The following PCDHA3 variants were observed in gnomAD, a reference collection of about 807,000 sequenced individuals.
The protein encoded by PCDHA3 is protocadherin alpha-3.
PCDHA3 carries 41 observed loss-of-function variants against 62.2 expected under a neutral mutation model. That is an observed-to-expected ratio of 0.66 (90% CI 0.51 to 0.86). The LOEUF is 0.86. Ranked by LOEUF, PCDHA3 falls within the 40% of genes least tolerant of loss-of-function variation. The probability of loss-of-function intolerance (pLI) is 0.00; values close to 1 mark genes in which losing one functional copy is unlikely to be tolerated. For missense variants in PCDHA3, 1,304 were observed against 1,241.2 expected (o/e 1.05, Z -0.76); for synonymous variants, 640 against 555.4 (o/e 1.15, Z -2.14).
chr5:140,965,305 A>G (rs2095888625), intron 1 of PCDHA3, among the ~76,000 whole-genome samples: 2 of 152,136 alleles, frequency 1.3e-5, no homozygotes, highest in African/African-American at 4.8e-5. Context: ...TGATCCTTCT[A>G]CCTTCTCTTT....
rs782115337 is a variant in PCDHA3 at position 140,803,196 on chromosome 5, G to A, written c.1999G>A (p.Val667Met). The A allele has an allele frequency of 1.2e-6, 2 of 1,613,924 alleles. No individual in the cohort carries two copies. Among genetic ancestry groups the A allele is most frequent in the Middle Eastern group, 3.3e-4 (2 of 6,062 alleles). Residue 667 changes from valine (V) to methionine (M), a missense_variant, in exon 1 of 4, where the codon GTG (valine) becomes ATG (methionine). Transcript: ENST00000522353. Reference protein sequence around the residue: ...PSLTATATVLVSLVESGQAPK... With the variant: ...PSLTATATVLMSLVESGQAPK... The stretch of plus-strand genomic sequence containing the variant: ...ATTGACCGCCACGGCCACTGTGCTG[G>A]TGTCGCTGGTGGAGAGTGGCCAGGC...
rs2043502208 is a variant in PCDHA3 at position 140,855,508 on chromosome 5, C to T, written c.2394+51917C>T. ...AGTGTCTAAATAAACCTTATTAAATCTCAAAATAATGAGAAAGAGAAGTAA... is the reference window on the plus strand; with the variant it reads ...AGTGTCTAAATAAACCTTATTAAATTTCAAAATAATGAGAAAGAGAAGTAA... On this transcript the variant is annotated intron_variant, in intron 1 of 3. Transcript: ENST00000522353. 1.3e-5 allele frequency among the ~76,000 whole-genome samples: 2 copies of T among 149,732 alleles called. 1 individual carries two copies. The highest frequency in any genetic ancestry group is 3.0e-5 in the Non-Finnish European group (2 of 67,030).
chr5:140,888,047 G>C (rs1246901863), intron 1 of PCDHA3, among the ~76,000 whole-genome samples: 12 of 152,092 alleles, frequency 7.9e-5, no homozygotes, highest in African/African-American at 2.9e-4. Flanking sequence ...ATGTATAATA[G>C]ATGTTTTAAC....
At chr5:140,991,614 A>G (rs1554252334) in intron 3 of PCDHA3, among the ~76,000 whole-genome samples, 2 of 152,194 alleles carry the variant, frequency 1.3e-5, no homozygotes, top group Non-Finnish European at 2.9e-5. Flanking sequence ...AGCACCTTTA[A>G]TGCCATATTT....
At chr5:140,965,237 G>A (rs2095882583) in intron 1 of PCDHA3, among the ~76,000 whole-genome samples, 1 of 152,204 alleles carries the variant, frequency 6.6e-6, no homozygotes, top group African/African-American at 2.4e-5. Context: ...AACCTGGGAA[G>A]AGTGAATATT....
At chr5:140,830,730 G>A (rs1403638856) in intron 1 of PCDHA3, 1 of 211,824 alleles carries the variant, frequency 4.7e-6, no homozygotes, top group African/African-American at 2.3e-5. Context: ...AAATATTCTT[G>A]GATATGTCGT....
chr5:140,853,755 C>A, intron 1 of PCDHA3: 3 of 988,492 alleles, frequency 3.0e-6, no homozygotes, highest in Non-Finnish European at 3.7e-6. Flanking sequence ...CAAGGCTCCA[C>A]CTCAGAAATT....
At chr5:140,869,433 G>A in intron 1 of PCDHA3, 2 of 1,614,226 alleles carry the variant, frequency 1.2e-6, no homozygotes, top group Non-Finnish European at 1.7e-6. Context: ...AGGTGATCGT[G>A]GACAGGCCGC....
At chr5:140,932,707 A>G (rs147056775) in intron 1 of PCDHA3, among the ~76,000 whole-genome samples, 1 of 152,086 alleles carries the variant, frequency 6.6e-6, no homozygotes, top group African/African-American at 2.4e-5. Flanking sequence ...CATATAGACA[A>G]CACAATAATA....
chr5:140,924,105 C>T lies in PCDHA3; in HGVS notation c.2395-54844C>T, dbSNP rs140580566. ...AGGCAGAAAGAATAAATTTTCATTC[C>T]AAAGCAGTTAGCTTGCTTAGCAGCA... is the stretch of plus-strand genomic sequence containing the variant. On this transcript the variant is annotated intron_variant, in intron 1 of 3. Coordinates refer to ENST00000522353, the MANE Select transcript of PCDHA3 (RefSeq NM_018906.3). Among the ~76,000 whole-genome samples the T allele has an allele frequency of 8.5e-5, 13 of 152,262 alleles. No homozygotes were observed. The East Asian group carries it at 2.5e-3, about 29-fold the overall frequency.
chr5:140,837,869 G>T (rs1367921938), intron 1 of PCDHA3, among the ~76,000 whole-genome samples: 1 of 151,606 alleles, frequency 6.6e-6, no homozygotes, highest in African/African-American at 2.4e-5. Flanking sequence ...TGTAGAGACA[G>T]GGTGGAGTCT....
At chr5:140,909,428 G>A (rs2074488610) in intron 1 of PCDHA3, among the ~76,000 whole-genome samples, 1 of 152,150 alleles carries the variant, frequency 6.6e-6, no homozygotes, top group African/African-American at 2.4e-5. Context: ...TTAAACTTAT[G>A]ATAATCCACT....
At chr5:140,829,136 G>C in intron 1 of PCDHA3, 12 of 1,613,236 alleles carry the variant, frequency 7.4e-6, no homozygotes, top group Non-Finnish European at 1.0e-5. Context: ...TAACGTCCCT[G>C]AGATAGCACT....
intron 1 of PCDHA3, chr5:140,967,632 A>G (rs371201664): frequency 1.9e-5 from 31 of 1,614,028 alleles, no homozygotes; most frequent in Admixed American, 1.7e-4. Context: ...GAGGGCTCCA[A>G]TGGTGAGCTC....
chr5:140,832,222 T>A (rs1554133477), intron 1 of PCDHA3, among the ~76,000 whole-genome samples: 1 of 152,164 alleles, frequency 6.6e-6, no homozygotes, highest in Non-Finnish European at 1.5e-5. Context: ...TTTCCTGGAG[T>A]TGGTTTTGAC....
chr5:140,876,017 T>C lies in PCDHA3; in HGVS notation c.2394+72426T>C, dbSNP rs371785405. The C allele has an allele frequency of 8.7e-6, 14 of 1,613,124 alleles. No homozygotes were observed. Among genetic ancestry groups the C allele is most frequent in the Admixed American group, 3.3e-5 (2 of 59,812 alleles). ...CTAAATGAGAATTTTGAGCTTAAAA[T>C]AAAAACAAAAAAAGATAAAAGTATA... On this transcript the variant is annotated intron_variant, in intron 1 of 3. Transcript: ENST00000522353.
chr5:140,864,617 T>C (rs545757656), intron 1 of PCDHA3: 10 of 152,312 alleles, frequency 6.6e-5, no homozygotes, highest in African/African-American at 2.4e-4. Context: ...TTTGTTCTTT[T>C]TTAAAAAGAA....
At chr5:140,921,856 GTA>G (rs1295273364) in intron 1 of PCDHA3, among the ~76,000 whole-genome samples, 4 of 151,824 alleles carry the variant, frequency 2.6e-5, no homozygotes, top group Non-Finnish European at 5.9e-5. Flanking sequence ...AGATGTGTGT[GTA>G]TATATACAGT....
At chr5:140,835,076 G>C (rs2150230443) in intron 1 of PCDHA3, 808 of 1,210,720 alleles carry the variant, frequency 6.7e-4, no homozygotes, top group Non-Finnish European at 8.8e-4. Flanking sequence ...TACTCATCAC[G>C]GTACTGGACA....
Sources: gnomAD v4.1 joint callset for allele counts (sites outside exome capture counted in the v4.1 genomes callset) on GRCh38, gnomAD v4.1.1 for gene constraint, MANE v1.5 for transcripts, NCBI Gene and HGNC (gene_info 2026-07-23, HGNC 2026-07-21) for gene names.